Variants in BCKDHB observed in about 807,000 individuals in gnomAD.
BCKDHB encodes the protein branched chain keto acid dehydrogenase E1 subunit beta.
A neutral mutation model predicts 48.5 loss-of-function variants in BCKDHB; 41 were observed. The observed-to-expected ratio is 0.85, with a 90% CI of 0.66 to 1.10. The LOEUF (loss-of-function observed/expected upper bound fraction) is 1.10. Ranked by LOEUF, BCKDHB falls within the 50% of genes least tolerant of loss-of-function variation. The pLI is 0.00. For synonymous variants in BCKDHB, 201 were observed against 174.8 expected, an observed-to-expected ratio of 1.15 and a Z score of -1.18; for missense variants, 496 against 494.2, an observed-to-expected ratio of 1.00 and a Z score of -0.03.
At chr6:80,200,657 A>G (rs566498915) in intron 6 of BCKDHB, among the ~76,000 whole-genome samples, 1 of 152,098 alleles carries the variant, frequency 6.6e-6, no homozygotes, top group African/African-American at 2.4e-5. Flanking sequence ...CTTATTGACT[A>G]ATGTTCCTTC....
At chr6:80,184,009 G>T (rs1238711904) in intron 6 of BCKDHB, among the ~76,000 whole-genome samples, 4 of 152,104 alleles carry the variant, frequency 2.6e-5, no homozygotes, top group Non-Finnish European at 5.9e-5. Flanking sequence ...TATCTTGGTT[G>T]CTTCTAAGTT....
At chr6:80,350,111 C>G (rs1770351587), downstream of BCKDHB, among the ~76,000 whole-genome samples, 2 of 151,604 alleles carry the variant, frequency 1.3e-5, no homozygotes, top group South Asian at 4.2e-4. Flanking sequence ...AATATTCGAA[C>G]TACATGGAAA....
chr6:80,199,197 C>T (rs1227872069), intron 6 of BCKDHB, among the ~76,000 whole-genome samples: 1 of 151,922 alleles, frequency 6.6e-6, no homozygotes, highest in Non-Finnish European at 1.5e-5. Context: ...GCCCTGCCTC[C>T]TAAGGTAGGG....
chr6:80,210,423 T>C (rs1406074728), intron 8 of BCKDHB, among the ~76,000 whole-genome samples: 1 of 152,094 alleles, frequency 6.6e-6, no homozygotes, highest in African/African-American at 2.4e-5. Flanking sequence ...CTAGTGATTA[T>C]CATGAGAGTG....
At chr6:80,395,297 A>T in the BCKDHB span, among the ~76,000 whole-genome samples, 1 of 152,212 alleles carries the variant, frequency 6.6e-6, no homozygotes, top group Non-Finnish European at 1.5e-5. Flanking sequence ...CTCAGAAGAC[A>T]GGAAGATGTG....
the BCKDHB span, among the ~76,000 whole-genome samples, chr6:80,358,347 A>ATGAG: frequency 1.5e-4 from 23 of 152,180 alleles, no homozygotes; most frequent in Non-Finnish European, 2.9e-4. Flanking sequence ...CTTTCAGGCT[A>ATGAG]TGAGTTGTTA....
At chr6:80,145,094 T>G (rs754146609) in intron 3 of BCKDHB, among the ~76,000 whole-genome samples, 20 of 152,196 alleles carry the variant, frequency 1.3e-4, no homozygotes, top group Non-Finnish European at 2.2e-4. Context: ...TGTTTGTGTC[T>G]GTTTTGGTTT....
chr6:80,358,344 G>T, the BCKDHB span, among the ~76,000 whole-genome samples: 3 of 151,936 alleles, frequency 2.0e-5, no homozygotes, highest in Non-Finnish European at 4.4e-5. Context: ...AATCTTTCAG[G>T]CTATGAGTTG....
chr6:80,167,158 T>C (rs1352322929), intron 3 of BCKDHB, among the ~76,000 whole-genome samples: 2 of 152,182 alleles, frequency 1.3e-5, no homozygotes, highest in Non-Finnish European at 2.9e-5. Context: ...TATGTTTTTT[T>C]CCTGAAAGTC....
intron 9 of BCKDHB, among the ~76,000 whole-genome samples, chr6:80,302,826 A>G (rs1468216420): frequency 6.6e-6 from 1 of 152,148 alleles, no homozygotes; most frequent in East Asian, 1.9e-4. Context: ...CTGAGACAAA[A>G]TTTTGGAATA....
At chr6:80,315,782 C>T (rs1422412515) in intron 9 of BCKDHB, among the ~76,000 whole-genome samples, 1 of 152,086 alleles carries the variant, frequency 6.6e-6, no homozygotes, top group Admixed American at 6.5e-5. Context: ...CCGCAACTGG[C>T]CTGTTTCCTT....
chr6:80,466,367 G>C, the BCKDHB span, among the ~76,000 whole-genome samples: 1 of 152,150 alleles, frequency 6.6e-6, no homozygotes, highest in East Asian at 1.9e-4. Context: ...TTGTGAGAAA[G>C]AGCATGTCAG....
At chr6:80,415,242 G>C in the BCKDHB span, among the ~76,000 whole-genome samples, 1 of 151,992 alleles carries the variant, frequency 6.6e-6, no homozygotes, top group Non-Finnish European at 1.5e-5. Context: ...TTACTATTTG[G>C]ATGACCTTCA....
In BCKDHB at chr6:80,346,187, C is replaced by T. The variant is rs1365932681; in HGVS notation, c.*2383C>T. The stretch of plus-strand genomic sequence containing the variant: ...CAGATTAACTTTGAAAAATATTCCA[C>T]ATGGTAATCTTATAAATTCTGTTTA... On this transcript the variant is annotated 3_prime_UTR_variant, in exon 10 of 10. Transcript: ENST00000320393. 6.6e-6 allele frequency: 1 copy of T among 152,132 alleles called. No homozygotes were observed. The highest frequency in any genetic ancestry group is 1.5e-5 in the Non-Finnish European group (1 of 68,014). 9.4% of individuals were successfully genotyped at this position (152,132 alleles called of 1,614,324 possible).
the BCKDHB span, among the ~76,000 whole-genome samples, chr6:80,418,054 G>A: frequency 6.7e-6 from 1 of 150,110 alleles, no homozygotes; most frequent in Non-Finnish European, 1.5e-5. Context: ...TTCTTTTTTT[G>A]TCTCACTATC....
intron 8 of BCKDHB, among the ~76,000 whole-genome samples, chr6:80,225,331 A>G (rs1168590317): frequency 1.3e-5 from 2 of 152,168 alleles, no homozygotes; most frequent in African/African-American, 4.8e-5. Context: ...GGAATACCTG[A>G]AAAGATAGTT....
In BCKDHB at chr6:80,337,381, C is replaced by A. The variant is rs113211318; in HGVS notation, c.1039-6283C>A. ...ATATTCTTAGAGTTTAACTCTTATACTACTAATTATGACCTCTAGAAGGTA... is the reference window on the plus strand; with the variant it reads ...ATATTCTTAGAGTTTAACTCTTATAATACTAATTATGACCTCTAGAAGGTA... On this transcript the variant is annotated intron_variant, in intron 9 of 9. Transcript: ENST00000320393. 9.4e-3 allele frequency among the ~76,000 whole-genome samples: 1,432 copies of A among 152,158 alleles called. 16 individuals are homozygous for A. Among genetic ancestry groups the A allele is most frequent in the African/African-American group, 0.033 (1,351 of 41,528 alleles).
chr6:80,182,594 C>T (rs1773462601), intron 6 of BCKDHB, among the ~76,000 whole-genome samples: 1 of 152,050 alleles, frequency 6.6e-6, no homozygotes, highest in Non-Finnish European at 1.5e-5. Context: ...GTGAAAGTTC[C>T]CTTTTCCTAC....
chr6:80,184,456 T>G (rs1207271417), intron 6 of BCKDHB, among the ~76,000 whole-genome samples: 2 of 152,182 alleles, frequency 1.3e-5, no homozygotes, highest in Non-Finnish European at 2.9e-5. Context: ...CATTGAGATG[T>G]GAGGTACTGT....
Sources: allele counts gnomAD v4.1 joint callset (sites outside exome capture counted in the v4.1 genomes callset), GRCh38; gene constraint gnomAD v4.1.1; transcripts MANE v1.5; gene names NCBI Gene and HGNC (gene_info 2026-07-23, HGNC 2026-07-21).